GSTCD: variants seen among roughly 807,000 people sequenced by gnomAD.
GSTCD encodes the protein glutathione S-transferase C-terminal domain containing.
A neutral mutation model predicts 68.3 loss-of-function variants in GSTCD; 44 were observed. That is an observed-to-expected ratio of 0.64 (90% CI 0.51 to 0.83). The LOEUF (loss-of-function observed/expected upper bound fraction) is 0.83. Among genes scored for constraint, GSTCD ranks in the 40% least tolerant of loss-of-function variants. The probability of loss-of-function intolerance (pLI) is 0.00; values close to 1 mark genes in which losing one functional copy is unlikely to be tolerated. For synonymous variants in GSTCD, 273 were observed against 255.2 expected (o/e 1.07, Z -0.67); for missense variants, 739 against 735.9 (o/e 1.00, Z -0.05).
chr4:105,718,565 A>G (rs931181960), intron 2 of GSTCD, among the ~76,000 whole-genome samples: 4 of 152,160 alleles, frequency 2.6e-5, no homozygotes, highest in African/African-American at 9.7e-5. Flanking sequence ...AGCCTCACCT[A>G]TTCCTTTACA....
chr4:105,785,521 T>C (rs1428823817), intron 5 of GSTCD, among the ~76,000 whole-genome samples: 1 of 152,178 alleles, frequency 6.6e-6, no homozygotes, highest in Non-Finnish European at 1.5e-5. Flanking sequence ...TTCAATGAGT[T>C]GTGAAATATT....
intron 1 of GSTCD, chr4:105,710,733 A>G (rs1732511731): frequency 6.6e-6 from 1 of 152,198 alleles, no homozygotes; most frequent in African/African-American, 2.4e-5. Context: ...ATACTTGGTA[A>G]CATGTTAGCC....
intron 4 of GSTCD, among the ~76,000 whole-genome samples, 170 bp from the exon 5 acceptor site, chr4:105,729,236 C>A (rs550242031): frequency 6.6e-6 from 1 of 152,158 alleles, no homozygotes; most frequent in South Asian, 2.1e-4. Flanking sequence ...TCAAAATACT[C>A]AACACATGGT....
chr4:105,795,938 A>T (rs1735868842), intron 5 of GSTCD, among the ~76,000 whole-genome samples: 1 of 152,238 alleles, frequency 6.6e-6, no homozygotes, highest in African/African-American at 2.4e-5. Flanking sequence ...ATCCCTGTAG[A>T]ATCGAGCTTT....
intron 7 of GSTCD, among the ~76,000 whole-genome samples, chr4:105,823,925 T>A (rs1383279215): frequency 6.6e-6 from 1 of 152,206 alleles, no homozygotes; most frequent in East Asian, 1.9e-4. Context: ...AGTAAATATA[T>A]CAGAATGTAT....
intron 5 of GSTCD, among the ~76,000 whole-genome samples, chr4:105,736,826 A>G (rs190620104): frequency 5.8e-4 from 89 of 152,306 alleles, no homozygotes; most frequent in Admixed American, 1.8e-3. Context: ...AAGTGAGAAC[A>G]TGTGATATTT....
intron 5 of GSTCD, among the ~76,000 whole-genome samples, chr4:105,786,108 AC>A (rs1341751244): frequency 1.3e-5 from 2 of 152,244 alleles, no homozygotes; most frequent in African/African-American, 4.8e-5. Flanking sequence ...TTGGAAGAAA[AC>A]ATAGACATAA....
rs560574779 is a variant in GSTCD at position 105,738,650 on chromosome 4, A to G, written c.1240+9151A>G. Among the ~76,000 whole-genome samples, 112 of 151,708 alleles carry G rather than the reference A, an allele frequency of 7.4e-4. 4 individuals are homozygous for G. The South Asian group carries it at 0.023, about 31-fold the overall frequency. On this transcript the variant is annotated intron_variant, in intron 5 of 11. Coordinates refer to ENST00000515279, the MANE Select transcript of GSTCD (RefSeq NM_001370181.1). ...TGTTTGTCTTGTTTGTTGTTCCTGT[A>G]TATTGATGCTACAGAATTTTGCATG...
intron 5 of GSTCD, among the ~76,000 whole-genome samples, chr4:105,762,943 A>G (rs1290986709): frequency 6.6e-6 from 1 of 152,204 alleles, no homozygotes; most frequent in Non-Finnish European, 1.5e-5. Context: ...CTTAAAAAAT[A>G]TATTTTAGAG....
chr4:105,818,854 T>C (rs1441831148), intron 5 of GSTCD, among the ~76,000 whole-genome samples: 6 of 151,776 alleles, frequency 4.0e-5, no homozygotes, highest in Admixed American at 6.6e-5. Flanking sequence ...TTGATTCCAT[T>C]TTATTTTTTA....
chr4:105,717,640 A>T lies in GSTCD; in HGVS notation c.27A>T (p.Thr9=). Residue 9 remains threonine (T), a synonymous_variant, in exon 2 of 12, where the codon ACA becomes ACT. Transcript: ENST00000515279. Reference sequence around the variant, plus strand: ...TGAAAGCCATAAAGAAAAGTCTTACAGAAGAAGAATACCTGTACCTGGACT... The same window carrying T: ...TGAAAGCCATAAAGAAAAGTCTTACTGAAGAAGAATACCTGTACCTGGACT... The part of the protein sequence containing the change: MKAIKKSL[T]EEEYLYLDFS... 2 of 1,578,158 alleles carry T rather than the reference A, an allele frequency of 1.3e-6. No homozygotes were observed. The highest frequency in any genetic ancestry group is 1.7e-6 in the Non-Finnish European group (2 of 1,168,286).
chr4:105,727,369 C>CA (rs1733076166), intron 4 of GSTCD, among the ~76,000 whole-genome samples: 2 of 151,672 alleles, frequency 1.3e-5, no homozygotes, highest in South Asian at 4.2e-4. Flanking sequence ...ACTAAAATTA[C>CA]AAAAATTAGC....
intron 5 of GSTCD, 110 bp downstream of exon 5, chr4:105,729,609 C>A: frequency 1.9e-6 from 1 of 538,708 alleles, no homozygotes; most frequent in African/African-American, 1.9e-5. Context: ...TCTGATTATA[C>A]TATCAGTTGA....
chr4:105,833,193 G>A (rs549090256), intron 8 of GSTCD, among the ~76,000 whole-genome samples: 11 of 152,242 alleles, frequency 7.2e-5, no homozygotes, highest in African/African-American at 2.6e-4. Context: ...CGCTGGGCGC[G>A]GTGGCTCATG....
At chr4:105,738,792 A>T (rs1038391954) in intron 5 of GSTCD, among the ~76,000 whole-genome samples, 1 of 152,170 alleles carries the variant, frequency 6.6e-6, no homozygotes, top group African/African-American at 2.4e-5. Context: ...AATAGGGACA[A>T]TTTGACTTCT....
chr4:105,751,208 G>T (rs573064280), intron 5 of GSTCD, among the ~76,000 whole-genome samples: 3 of 152,208 alleles, frequency 2.0e-5, no homozygotes, highest in African/African-American at 7.2e-5. Flanking sequence ...TGGGTGAGGG[G>T]TTCATGGGAG....
chr4:105,775,561 C>T (rs1735023426), intron 5 of GSTCD, among the ~76,000 whole-genome samples: 1 of 152,118 alleles, frequency 6.6e-6, no homozygotes, highest in Non-Finnish European at 1.5e-5. Context: ...GATGTTGATG[C>T]TATTCCTTTC....
At chr4:105,794,332 A>G (rs6843771) in intron 5 of GSTCD, among the ~76,000 whole-genome samples, 31,634 of 151,844 alleles carry the variant, frequency 0.21, 6,928 homozygotes, top group African/African-American at 0.55. Flanking sequence ...ACAATGGTAG[A>G]TATATGTCAT....
At chr4:105,742,944 TTCTC>T (rs1419948870) in intron 5 of GSTCD, among the ~76,000 whole-genome samples, 2 of 151,392 alleles carry the variant, frequency 1.3e-5, no homozygotes, top group East Asian at 1.9e-4. Context: ...CTTTTGTAAT[TTCTC>T]TCTCTTTTTT....
Sources: allele counts gnomAD v4.1 joint callset (sites outside exome capture counted in the v4.1 genomes callset), GRCh38; gene constraint gnomAD v4.1.1; transcripts MANE v1.5; gene names NCBI Gene and HGNC (gene_info 2026-07-23, HGNC 2026-07-21).